The following PLXNA4 variants were observed in gnomAD, a reference collection of about 807,000 sequenced individuals.
PLXNA4 encodes the protein plexin-A4.
Under a neutral mutation model 191.8 loss-of-function variants are expected in PLXNA4, and 44 were observed. The observed-to-expected ratio is 0.23, with a 90% CI of 0.18 to 0.29. The LOEUF (loss-of-function observed/expected upper bound fraction) is 0.29. Ranked by LOEUF, PLXNA4 falls within the 10% of genes least tolerant of loss-of-function variation. The pLI is 1.00. For synonymous variants in PLXNA4, 1,082 were observed against 1,009.5 expected (o/e 1.07, Z -1.36); for missense variants, 1,800 against 2,488.8 (o/e 0.72, Z 5.89).
At chr7:132,372,039 G>A (rs1804462511) in intron 3 of PLXNA4, among the ~76,000 whole-genome samples, 1 of 152,128 alleles carries the variant, frequency 6.6e-6, no homozygotes. Flanking sequence ...CATTATTTTT[G>A]TCCCAGCCTG....
At chr7:132,557,839 C>T (rs1433310213) in intron 1 of PLXNA4, among the ~76,000 whole-genome samples, 2 of 152,050 alleles carry the variant, frequency 1.3e-5, no homozygotes, top group Non-Finnish European at 2.9e-5. Context: ...CCTGTAGATC[C>T]GCAGCTGTTT....
rs10632716 is a variant in PLXNA4, at chr7:132,514,802, G to GCACA, written c.-86-6027_-86-6024dup. Among the ~76,000 whole-genome samples the GCACA allele has an allele frequency of 3.5e-3, 523 of 149,114 alleles. 4 individuals are homozygous for GCACA. Among genetic ancestry groups the GCACA allele is most frequent in the African/African-American group, 0.012 (478 of 40,744 alleles). On this transcript the variant is annotated intron_variant, in intron 1 of 31. Transcript: ENST00000321063. ...CTTAAATCAATCTCTGTGTCTCTAT[G>GCACA]CACACACACACACACACACACACAC...
chr7:132,387,642 G>C (rs1281180989), intron 3 of PLXNA4, among the ~76,000 whole-genome samples: 1 of 152,224 alleles, frequency 6.6e-6, no homozygotes, highest in African/African-American at 2.4e-5. Flanking sequence ...CAAAGGGTGA[G>C]AGACATTTAT....
chr7:132,194,146 G>T lies in PLXNA4; in HGVS notation c.2772C>A (p.Ser924Arg), dbSNP rs376410273. Reference protein sequence around the residue: ...IVCEMGEAKPSQHAGFVEICV... With the variant: ...IVCEMGEAKPRQHAGFVEICV... ...AGATCTCCACGAAGCCTGCATGCTGGCTGGGCTTGGCCTCCCCCATCTCAC... is the reference window on the plus strand; with the variant it reads ...AGATCTCCACGAAGCCTGCATGCTGTCTGGGCTTGGCCTCCCCCATCTCAC... Residue 924 changes from serine to arginine, a missense_variant, in exon 14 of 32, where the codon AGC becomes AGA. Ser to Arg is a moderately radical substitution (Grantham distance 110, BLOSUM62 -1). This residue lies in a region of PLXNA4 where 1,397 missense variants were observed against 1,880.4 expected (regional missense o/e 0.74). Transcript: ENST00000321063. The T allele has an allele frequency of 1.9e-6, 3 of 1,613,748 alleles. No individual in the cohort carries two copies. Among genetic ancestry groups the T allele is most frequent in the African/African-American group, 2.7e-5 (2 of 74,934 alleles).
intron 1 of PLXNA4, among the ~76,000 whole-genome samples, chr7:132,549,080 T>G (rs764053288): frequency 1.3e-5 from 2 of 152,170 alleles, no homozygotes; most frequent in African/African-American, 4.8e-5. Context: ...TCATGAATAA[T>G]CCACCCCTCG....
At chr7:132,609,789 G>A (rs1377332491) in intron 2 of PLXNA4, among the ~76,000 whole-genome samples, 2 of 152,200 alleles carry the variant, frequency 1.3e-5, no homozygotes, top group Admixed American at 6.5e-5. Context: ...CCCCCCATTG[G>A]CAGTGGGAGG....
At chr7:132,178,357 C>T (rs1271059153) in intron 20 of PLXNA4, among the ~76,000 whole-genome samples, 2 of 152,144 alleles carry the variant, frequency 1.3e-5, no homozygotes, top group African/African-American at 4.8e-5. Context: ...CTCCCCTCGG[C>T]TGCCCCCTCC....
chr7:132,640,729 C>G (rs927542880), intron 2 of PLXNA4, among the ~76,000 whole-genome samples: 1 of 151,628 alleles, frequency 6.6e-6, no homozygotes, highest in African/African-American at 2.4e-5. Context: ...TTCATCAAAT[C>G]CAGGACACTA....
At chr7:132,607,312 T>C (rs750234201) in intron 2 of PLXNA4, among the ~76,000 whole-genome samples, 1 of 152,122 alleles carries the variant, frequency 6.6e-6, no homozygotes, top group Non-Finnish European at 1.5e-5. Context: ...GCCTCTCTCC[T>C]TCCTTCCACC....
chr7:132,477,519 C>T (rs934589006), intron 3 of PLXNA4, among the ~76,000 whole-genome samples: 1 of 152,188 alleles, frequency 6.6e-6, no homozygotes, highest in Non-Finnish European at 1.5e-5. Flanking sequence ...AAATAGCCTT[C>T]GTTATTGTTG....
intron 2 of PLXNA4, among the ~76,000 whole-genome samples, chr7:132,496,213 T>G (rs1202923192): frequency 6.6e-6 from 1 of 152,062 alleles, no homozygotes; most frequent in Non-Finnish European, 1.5e-5. Context: ...CTGCCCCTCT[T>G]TCACACATCA....
At chr7:132,623,987 A>G (rs1227790727) in intron 2 of PLXNA4, among the ~76,000 whole-genome samples, 1 of 152,260 alleles carries the variant, frequency 6.6e-6, no homozygotes, top group Non-Finnish European at 1.5e-5. Flanking sequence ...TTGAATTGCC[A>G]TCACTAATAG....
At chr7:132,313,104 G>A (rs528813251) in intron 3 of PLXNA4, among the ~76,000 whole-genome samples, 3 of 152,284 alleles carry the variant, frequency 2.0e-5, no homozygotes, top group South Asian at 2.1e-4. Context: ...GTGGTCCTGA[G>A]CTCCAACCTC....
chr7:132,179,534 G>A lies in PLXNA4; in HGVS notation c.3874+153C>T, dbSNP rs192476010. On this transcript the variant is annotated intron_variant, in intron 20 of 31. Coordinates refer to ENST00000321063, the MANE Select transcript of PLXNA4 (RefSeq NM_020911.2). The stretch of plus-strand genomic sequence containing the variant: ...ACATGCACACACACACATTCGCACA[G>A]ACACACACACCGCCAGCCTCCAGCA... 4.6e-3 allele frequency among the ~76,000 whole-genome samples: 379 copies of A among 82,848 alleles called. 2 individuals carry two copies. Among genetic ancestry groups the A allele is most frequent in the Admixed American group, 0.013 (104 of 7,912 alleles). 54.4% of individuals were successfully genotyped at this position (82,848 alleles called of 152,430 possible).
chr7:132,538,235 G>A (rs1171446349), intron 1 of PLXNA4, among the ~76,000 whole-genome samples: 1 of 152,182 alleles, frequency 6.6e-6, no homozygotes, highest in African/African-American at 2.4e-5. Context: ...CCACACAGCA[G>A]CCCAGCAAGA....
upstream of PLXNA4, among the ~76,000 whole-genome samples, chr7:132,581,256 G>C (rs1030837834): frequency 3.1e-4 from 47 of 152,218 alleles, 1 homozygote; most frequent in African/African-American, 1.1e-3. Flanking sequence ...AGGAAGATGA[G>C]GGGAGGAACA....
Position 132,325,130 on chromosome 7 carries a change from C to T in PLXNA4, c.1372-26908G>A, listed in dbSNP as rs372277601. 4.6e-5 allele frequency among the ~76,000 whole-genome samples: 7 copies of T among 152,284 alleles called. No homozygotes were observed. In the East Asian group the frequency reaches 1.4e-3, roughly 29 times the overall value. On this transcript the variant is annotated intron_variant, in intron 3 of 31. Coordinates refer to ENST00000321063, the MANE Select transcript of PLXNA4 (RefSeq NM_020911.2). The stretch of plus-strand genomic sequence containing the variant: ...CTTCTGGGTAACTTTTAGCTTAGTT[C>T]AGAAAAAGAAAGAAACCCTCATTCT...
At chr7:132,179,585 G>C in intron 20 of PLXNA4, 102 bp downstream of exon 20, 1 of 1,494,212 alleles carries the variant, frequency 6.7e-7, no homozygotes. Flanking sequence ...CAGCCTGCTT[G>C]TTTGTATATG....
intron 1 of PLXNA4, among the ~76,000 whole-genome samples, chr7:132,565,879 C>T (rs1801700102): frequency 6.6e-6 from 1 of 152,286 alleles, no homozygotes; most frequent in Non-Finnish European, 1.5e-5. Context: ...GGGTGGCTGC[C>T]ACACTTCTCC....
Sources: gnomAD v4.1 joint callset for allele counts (sites outside exome capture counted in the v4.1 genomes callset) on GRCh38, gnomAD v4.1.1 for gene constraint, gnomAD v4.1.1 regional missense constraint, MANE v1.5 for transcripts, NCBI Gene and HGNC (gene_info 2026-07-23, HGNC 2026-07-21) for gene names.